The following PTPRO variants were observed in gnomAD, a reference collection of about 807,000 sequenced individuals.
PTPRO encodes receptor-type tyrosine-protein phosphatase O.
In PTPRO, 62 loss-of-function variants were observed where a neutral mutation model predicts 145.2. That is an observed-to-expected ratio of 0.43 (90% CI 0.35 to 0.53). The LOEUF (loss-of-function observed/expected upper bound fraction) is 0.53, where lower values mean the gene tolerates loss of function less well. PTPRO is among the 20% of genes least tolerant of loss of function. The pLI is 0.01. For missense variants in PTPRO, 1,345 were observed against 1,482.7 expected (o/e 0.91, Z 1.53); for synonymous variants, 565 against 514.7 (o/e 1.10, Z -1.32).
At chr12:15,576,224 G>A (rs140033613) in intron 19 of PTPRO, among the ~76,000 whole-genome samples, 1 of 152,294 alleles carries the variant, frequency 6.6e-6, no homozygotes, top group Non-Finnish European at 1.5e-5. Flanking sequence ...CTGCTGAACT[G>A]GAAACTTAAT....
chr12:15,581,621 A>G lies in PTPRO; in HGVS notation c.3133-58A>G, dbSNP rs1591765992. On this transcript the variant is annotated intron_variant, in intron 22 of 26. Transcript: ENST00000281171. The stretch of plus-strand genomic sequence containing the variant: ...ATACCTTTGTTTTCCCTAAGTGAGC[A>G]CACTTAATTCCTTTCCTAGCCTGTT... 6 of 1,581,408 alleles carry G rather than the reference A, an allele frequency of 3.8e-6. 1 individual carries two copies. In the East Asian group the frequency reaches 1.1e-4, roughly 30 times the overall value.
intron 7 of PTPRO, among the ~76,000 whole-genome samples, chr12:15,513,446 A>G (rs1282935788): frequency 1.3e-5 from 2 of 152,240 alleles, no homozygotes; most frequent in African/African-American, 4.8e-5. Flanking sequence ...ATCCCAATTT[A>G]TTAATTCAAT....
At chr12:15,528,312 C>A (rs1363071142) in intron 12 of PTPRO, among the ~76,000 whole-genome samples, 1 of 147,794 alleles carries the variant, frequency 6.8e-6, no homozygotes, top group African/African-American at 2.5e-5. Context: ...GTCAGGAGAT[C>A]AAGACCATCC....
At chr12:15,559,534 A>G (rs1242336029) in intron 16 of PTPRO, among the ~76,000 whole-genome samples, 1 of 152,194 alleles carries the variant, frequency 6.6e-6, no homozygotes, top group East Asian at 1.9e-4. Flanking sequence ...TTTTGCTCCT[A>G]CTTAGCTGAA....
At chr12:15,478,383 G>A (rs1941704396) in intron 1 of PTPRO, among the ~76,000 whole-genome samples, 1 of 152,182 alleles carries the variant, frequency 6.6e-6, no homozygotes, top group Non-Finnish European at 1.5e-5. Flanking sequence ...AAATGCTGTG[G>A]TTGAAAAATG....
At chr12:15,573,430 T>C (rs1445586194) in intron 19 of PTPRO, among the ~76,000 whole-genome samples, 1 of 152,228 alleles carries the variant, frequency 6.6e-6, no homozygotes, top group African/African-American at 2.4e-5. Context: ...CTGGACACTA[T>C]AGCCTAGTCA....
chr12:15,344,699 A>C (rs1867135152), intron 1 of PTPRO, among the ~76,000 whole-genome samples: 1 of 152,228 alleles, frequency 6.6e-6, no homozygotes, highest in South Asian at 2.1e-4. Context: ...ATCTGAATTC[A>C]ATGTCGTCTC....
chr12:15,466,178 T>A (rs779179896), intron 1 of PTPRO, among the ~76,000 whole-genome samples: 21 of 152,196 alleles, frequency 1.4e-4, no homozygotes, highest in Admixed American at 1.2e-3. Flanking sequence ...ATCCTGTTGT[T>A]TTCATAATTC....
At chr12:15,373,976 T>C (rs1428342051) in intron 1 of PTPRO, among the ~76,000 whole-genome samples, 1 of 152,284 alleles carries the variant, frequency 6.6e-6, no homozygotes, top group East Asian at 1.9e-4. Context: ...TCATATTTTT[T>C]CAAGACTCGG....
chr12:15,524,756 G>GT, intron 10 of PTPRO, 58 bp from the exon 11 acceptor site: 2 of 1,537,210 alleles, frequency 1.3e-6, no homozygotes, highest in Non-Finnish European at 1.8e-6. Context: ...TGCTCTGCTG[G>GT]TAAGTACTTT....
At chr12:15,442,456 C>T (rs547586154) in intron 1 of PTPRO, among the ~76,000 whole-genome samples, 4 of 152,176 alleles carry the variant, frequency 2.6e-5, no homozygotes, top group South Asian at 2.1e-4. Context: ...TGCCCACTCT[C>T]ACCACTCCTA....
intron 1 of PTPRO, among the ~76,000 whole-genome samples, chr12:15,394,736 C>A (rs933400233): frequency 3.3e-5 from 5 of 152,274 alleles, no homozygotes; most frequent in Admixed American, 6.5e-5. Flanking sequence ...AATATAATGG[C>A]TGCTGCTTCA....
At chr12:15,474,177 G>C (rs1323223683) in intron 1 of PTPRO, among the ~76,000 whole-genome samples, 1 of 152,140 alleles carries the variant, frequency 6.6e-6, no homozygotes, top group African/African-American at 2.4e-5. Flanking sequence ...GCCCAGATGA[G>C]GGCATTAATG....
intron 15 of PTPRO, among the ~76,000 whole-genome samples, chr12:15,553,822 A>G (rs756134929): frequency 6.6e-6 from 1 of 152,240 alleles, no homozygotes; most frequent in Non-Finnish European, 1.5e-5. Context: ...AGTCCAGAGC[A>G]GCAACACTGA....
rs370419176 is a variant in PTPRO, at chr12:15,322,813, C to G, written c.75+12C>G. ...TTGTGCTGTTCAAGGTAGGGGAGCT[C>G]CTCCACCCCTTTTTCCCAGCGGTCC... On this transcript the variant is annotated intron_variant, in intron 1 of 26. Coordinates refer to ENST00000281171, the MANE Select transcript of PTPRO (RefSeq NM_030667.3). This position sits in a 1 kb window ranked among gnomAD's most constrained non-coding sequence, Gnocchi z 6.3. The G allele has an allele frequency of 2.5e-6, 4 of 1,609,988 alleles. No homozygotes were observed. The highest frequency in any genetic ancestry group is 3.4e-6 in the Non-Finnish European group (4 of 1,178,670).
chr12:15,358,567 GC>G (rs1175713829), intron 1 of PTPRO, among the ~76,000 whole-genome samples: 1 of 152,076 alleles, frequency 6.6e-6, no homozygotes, highest in Non-Finnish European at 1.5e-5. Flanking sequence ...GTTCAGTCAG[GC>G]TTTGGATCCT....
intron 1 of PTPRO, among the ~76,000 whole-genome samples, chr12:15,425,589 C>A (rs1940262719): frequency 6.6e-6 from 1 of 152,066 alleles, no homozygotes; most frequent in Non-Finnish European, 1.5e-5. Context: ...ACTTCTGTGA[C>A]TTTTGGGTTT....
intron 1 of PTPRO, among the ~76,000 whole-genome samples, chr12:15,366,489 C>G (rs1591746697): frequency 6.6e-6 from 1 of 152,042 alleles, no homozygotes; most frequent in Non-Finnish European, 1.5e-5. Context: ...TTCAAACTTG[C>G]AAATTCCATT....
At chr12:15,338,783 G>A (rs1446867606) in intron 1 of PTPRO, among the ~76,000 whole-genome samples, 6 of 152,118 alleles carry the variant, frequency 3.9e-5, no homozygotes, top group African/African-American at 1.4e-4. Context: ...AGCTTACAAG[G>A]TTTGAGTAAA....
Sources: gnomAD v4.1 joint callset for allele counts (sites outside exome capture counted in the v4.1 genomes callset) on GRCh38, gnomAD v4.1.1 for gene constraint, Gnocchi (gnomAD v3.1) non-coding constraint, MANE v1.5 for transcripts, NCBI Gene and HGNC (gene_info 2026-07-23, HGNC 2026-07-21) for gene names.